NPL: variants seen among roughly 807,000 people sequenced by gnomAD.
NPL encodes N-acetylneuraminate pyruvate lyase.
Under a neutral mutation model 41.1 loss-of-function variants are expected in NPL, and 32 were observed. The observed-to-expected ratio is 0.78, with a 90% confidence interval of 0.59 to 1.05. The LOEUF (loss-of-function observed/expected upper bound fraction) is 1.05, where lower values mean the gene tolerates loss of function less well. NPL is among the 50% of genes least tolerant of loss of function. The pLI, the probability that NPL is intolerant of heterozygous loss-of-function variation, is 0.00. For synonymous variants in NPL, 128 were observed against 134.9 expected, an observed-to-expected ratio of 0.95 and a Z score of 0.35; for missense variants, 321 against 378.4, an observed-to-expected ratio of 0.85 and a Z score of 1.26.
Position 182,829,506 on chromosome 1 carries a change from T to C in NPL, c.*598T>C. The C allele has an allele frequency of 1.3e-6, 2 of 1,501,548 alleles. No individual in the cohort carries two copies. Among genetic ancestry groups the C allele is most frequent in the East Asian group, 5.0e-5 (2 of 40,276 alleles). 93.0% of individuals were successfully genotyped at this position (1,501,548 alleles called of 1,614,324 possible). A position where few individuals can be genotyped will look rare whatever the true frequency, so the allele number is the denominator to read the frequency against. Reference sequence around the variant, plus strand: ...AAACACTGGGTCAGGTGAGGACTTGTTTCAGTTCCTATAACTAAGTAAAGG... The same window carrying C: ...AAACACTGGGTCAGGTGAGGACTTGCTTCAGTTCCTATAACTAAGTAAAGG... On this transcript the variant is annotated 3_prime_UTR_variant, in exon 13 of 13. Coordinates refer to ENST00000367553, the MANE Select transcript of NPL (RefSeq NM_030769.3).
intron 2 of NPL, among the ~76,000 whole-genome samples, chr1:182,793,486 G>A (rs1488262202): frequency 1.3e-5 from 2 of 152,126 alleles, no homozygotes; most frequent in Admixed American, 1.3e-4. Flanking sequence ...CATATTCTTC[G>A]CTCTTGAATT....
chr1:182,816,816 G>A lies in NPL; in HGVS notation c.457+10G>A. On this transcript the variant is annotated intron_variant, in intron 8 of 12. Transcript: ENST00000367553. Reference sequence around the variant, plus strand: ...TTGACAGGGGTAAAGAGTAAGTACTGCTTCTGTTGATCTTTCTTTCCTTCC... The same window carrying A: ...TTGACAGGGGTAAAGAGTAAGTACTACTTCTGTTGATCTTTCTTTCCTTCC... 1 of 1,591,230 alleles carries A rather than the reference G, an allele frequency of 6.3e-7. No individual in the cohort carries two copies.
At chr1:182,805,427 G>A (rs898286480) in intron 4 of NPL, among the ~76,000 whole-genome samples, 1 of 152,034 alleles carries the variant, frequency 6.6e-6, no homozygotes, top group Non-Finnish European at 1.5e-5. Flanking sequence ...GCAAAATTCT[G>A]TCTCAAAAAA....
In NPL at chr1:182,825,833, C is replaced by T; in HGVS notation, c.778+13C>T. The stretch of plus-strand genomic sequence containing the variant: ...GTTGTCAAACTAGGTAAGTGCCACC[C>T]ATCTTCTGCTTTGTCTGCTGCTGGA... On this transcript the variant is annotated intron_variant, in intron 12 of 12. Transcript: ENST00000367553. 2 of 1,595,382 alleles carry T rather than the reference C, an allele frequency of 1.3e-6. No individual in the cohort carries two copies. Among genetic ancestry groups the T allele is most frequent in the Non-Finnish European group, 1.7e-6 (2 of 1,165,908 alleles).
chr1:182,820,111 C>T (rs1166073165), intron 10 of NPL, among the ~76,000 whole-genome samples: 2 of 152,250 alleles, frequency 1.3e-5, no homozygotes, highest in Non-Finnish European at 2.9e-5. Flanking sequence ...CCAGTCATGG[C>T]TGCCCAAGCG....
At chr1:182,818,446 C>T (rs1334175264) in intron 8 of NPL, 95 bp from the exon 9 acceptor site, 27 of 1,505,198 alleles carry the variant, frequency 1.8e-5, no homozygotes, top group Non-Finnish European at 2.2e-5. Context: ...TGGCTGACAG[C>T]AGCGTGTGGC....
At chr1:182,794,483 C>G (rs1249523799) in intron 3 of NPL, 44 bp downstream of exon 3, 1 of 1,577,034 alleles carries the variant, frequency 6.3e-7, no homozygotes, top group Non-Finnish European at 8.7e-7. Flanking sequence ...TCTCATTCAA[C>G]CAAAAAGGAG....
At chr1:182,826,983 T>A (rs1254027342) in intron 12 of NPL, 1 of 152,200 alleles carries the variant, frequency 6.6e-6, no homozygotes, top group East Asian at 1.9e-4. Flanking sequence ...AATAGAACAA[T>A]TATAACAATA....
chr1:182,803,729 G>A lies in NPL; in HGVS notation c.100G>A (p.Val34Met). The change falls in exon 4 of 13, where the codon GTG (valine) becomes ATG (methionine). Residue 34 changes from valine to methionine, a missense_variant. Physicochemically the swap from Val to Met is conservative, Grantham distance 21. Coordinates refer to ENST00000367553, the MANE Select transcript of NPL (RefSeq NM_030769.3). ...CAACTTTTCAGTAATTGGTCAGTAT[G>A]TGGATTATCTTGTGAAAGAACAGGG... ...EINFSVIGQY[V>M]DYLVKEQGVK... 1 of 1,613,444 alleles carries A rather than the reference G, an allele frequency of 6.2e-7. No homozygotes were observed. Among genetic ancestry groups the A allele is most frequent in the Non-Finnish European group, 8.5e-7 (1 of 1,179,376 alleles).
At chr1:182,809,703 A>G (rs189407597) in intron 5 of NPL, 4 of 152,290 alleles carry the variant, frequency 2.6e-5, no homozygotes, top group African/African-American at 7.2e-5. Context: ...GGAGTTGGGT[A>G]GAATTTAGAA....
intron 3 of NPL, 144 bp downstream of exon 3, chr1:182,794,583 C>A: frequency 2.6e-6 from 2 of 783,286 alleles, no homozygotes; most frequent in Non-Finnish European, 4.4e-6. Flanking sequence ...TCCCTCTGCA[C>A]TGTCTCTGAT....
chr1:182,817,618 G>A (rs1279399876), intron 8 of NPL, among the ~76,000 whole-genome samples: 1 of 152,210 alleles, frequency 6.6e-6, no homozygotes, highest in Non-Finnish European at 1.5e-5. Context: ...GTCCCAGGTT[G>A]TGGCCTGTAC....
chr1:182,807,720 C>CAAAAAAAAA (rs753955697), intron 5 of NPL, among the ~76,000 whole-genome samples: 37 of 54,878 alleles, frequency 6.7e-4, no homozygotes, highest in East Asian at 1.7e-3. Flanking sequence ...ACTAAAAATA[C>CAAAAAAAAA]AAAAAAAAAA....
rs139109931 is a variant in NPL, at chr1:182,827,265, T to A, written c.778+1445T>A. Among the ~76,000 whole-genome samples, 670 of 152,324 alleles carry A rather than the reference T, an allele frequency of 4.4e-3. 8 individuals carry two copies. The highest frequency in any genetic ancestry group is 0.015 in the African/African-American group (640 of 41,576). On this transcript the variant is annotated intron_variant, in intron 12 of 12. Coordinates refer to ENST00000367553, the MANE Select transcript of NPL (RefSeq NM_030769.3). Reference sequence around the variant, plus strand: ...CAGCTAAGAAAACAAATTACAGACATTTTAGAAGATGGGGATTGGGGATTA... The same window carrying A: ...CAGCTAAGAAAACAAATTACAGACAATTTAGAAGATGGGGATTGGGGATTA...
chr1:182,806,799 AG>A (rs1667026109), intron 5 of NPL, among the ~76,000 whole-genome samples: 1 of 152,190 alleles, frequency 6.6e-6, no homozygotes, highest in African/African-American at 2.4e-5. Context: ...GGATAGTATC[AG>A]TTCCATAGCA....
intron 7 of NPL, among the ~76,000 whole-genome samples, chr1:182,815,922 C>T (rs773935506): frequency 1.3e-5 from 2 of 152,200 alleles, no homozygotes; most frequent in Non-Finnish European, 2.9e-5. Flanking sequence ...AAAATTTTTT[C>T]ACATGGCTTT....
At chr1:182,814,587 C>T (rs1447515093) in intron 6 of NPL, among the ~76,000 whole-genome samples, 196 bp from the exon 7 acceptor site, 1 of 152,194 alleles carries the variant, frequency 6.6e-6, no homozygotes, top group African/African-American at 2.4e-5. Context: ...GCACAGCTCA[C>T]CTTCATCGGG....
intron 6 of NPL, among the ~76,000 whole-genome samples, chr1:182,812,444 G>C (rs1250661986): frequency 6.6e-6 from 1 of 152,176 alleles, no homozygotes; most frequent in Non-Finnish European, 1.5e-5. Context: ...CCTCCAAGGA[G>C]AGTAAGGATG....
intron 5 of NPL, among the ~76,000 whole-genome samples, chr1:182,811,066 A>G (rs1035130145): frequency 1.3e-5 from 2 of 148,858 alleles, no homozygotes; most frequent in African/African-American, 5.2e-5. Context: ...CATTTGATCT[A>G]AGTCAACAAT....
Sources: allele counts gnomAD v4.1 joint callset (sites outside exome capture counted in the v4.1 genomes callset), GRCh38; gene constraint gnomAD v4.1.1; transcripts MANE v1.5; gene names NCBI Gene and HGNC (gene_info 2026-07-23, HGNC 2026-07-21).